The following FNBP1L variants were observed in gnomAD, a reference collection of about 807,000 sequenced individuals.
FNBP1L encodes the protein formin binding protein 1 like.
In FNBP1L, 36 loss-of-function variants were observed where a neutral mutation model predicts 91.2. The ratio of observed to expected loss-of-function variants is 0.39; its 90% CI spans 0.30 to 0.52. FNBP1L has a LOEUF of 0.52. FNBP1L is among the 20% of genes least tolerant of loss of function. FNBP1L has a pLI of 0.66. For synonymous variants in FNBP1L, 242 were observed against 237.0 expected (o/e 1.02, Z -0.19); for missense variants, 571 against 732.1 (o/e 0.78, Z 2.54).
At chr1:93,454,619 C>T (rs1292236715) in intron 1 of FNBP1L, among the ~76,000 whole-genome samples, 1 of 152,004 alleles carries the variant, frequency 6.6e-6, no homozygotes, top group Non-Finnish European at 1.5e-5. Context: ...ATTACTACAG[C>T]TCGTTTATAT....
chr1:93,536,257 C>A, intron 9 of FNBP1L, 75 bp from the exon 10 acceptor site: 1 of 1,141,484 alleles, frequency 8.8e-7, no homozygotes, highest in South Asian at 3.7e-5. Context: ...AGTATGTTGC[C>A]AAAAATAGAA....
chr1:93,498,877 A>G (rs141487073), intron 1 of FNBP1L, among the ~76,000 whole-genome samples: 48 of 152,330 alleles, frequency 3.2e-4, no homozygotes, highest in Non-Finnish European at 5.0e-4. Flanking sequence ...AAAACATTCA[A>G]GGAGCCTTGT....
chr1:93,534,926 C>A lies in FNBP1L; in HGVS notation c.990+18C>A. The A allele has an allele frequency of 6.4e-7, 1 of 1,551,690 alleles. No individual in the cohort carries two copies. Among genetic ancestry groups the A allele is most frequent in the South Asian group, 1.2e-5 (1 of 84,000 alleles). Reference sequence around the variant, plus strand: ...AGCCAAAGGTAAAAGTCATAAAATTCCTATATGCTAATCAGTTTAAGTGTA... The same window carrying A: ...AGCCAAAGGTAAAAGTCATAAAATTACTATATGCTAATCAGTTTAAGTGTA... On this transcript the variant is annotated intron_variant, in intron 9 of 16. Transcript: ENST00000271234.
chr1:93,546,690 T>TGG (rs1672251258), intron 12 of FNBP1L, among the ~76,000 whole-genome samples, 152 bp from the exon 13 acceptor site: 1 of 152,146 alleles, frequency 6.6e-6, no homozygotes, highest in Non-Finnish European at 1.5e-5. Context: ...TTTATGCAAA[T>TGG]TGTCTTTAAT....
chr1:93,450,212 A>G (rs1478996252), intron 1 of FNBP1L, among the ~76,000 whole-genome samples: 1 of 152,156 alleles, frequency 6.6e-6, no homozygotes, highest in African/African-American at 2.4e-5. Flanking sequence ...AAACGATTCC[A>G]TTCCTCTACT....
At chr1:93,485,501 C>T (rs1054087736) in intron 1 of FNBP1L, among the ~76,000 whole-genome samples, 66 of 152,248 alleles carry the variant, frequency 4.3e-4, no homozygotes, top group African/African-American at 1.4e-3. Context: ...AAATTGTTAA[C>T]AGTCATTACT....
intron 2 of FNBP1L, among the ~76,000 whole-genome samples, chr1:93,516,084 A>G (rs966428654): frequency 5.3e-5 from 8 of 152,190 alleles, no homozygotes; most frequent in Non-Finnish European, 7.3e-5. Context: ...ATTTACATAT[A>G]TAGTTTTAAT....
chr1:93,484,516 G>A (rs1669827879), intron 1 of FNBP1L, among the ~76,000 whole-genome samples: 1 of 152,168 alleles, frequency 6.6e-6, no homozygotes, highest in Admixed American at 6.5e-5. Flanking sequence ...ACAAAGACTA[G>A]TTCTGTTCTT....
intron 1 of FNBP1L, among the ~76,000 whole-genome samples, chr1:93,469,229 TCCCCTAAC>T (rs1423970270): frequency 2.7e-5 from 4 of 150,592 alleles, no homozygotes; most frequent in Non-Finnish European, 5.9e-5. Context: ...ACATTATTCC[TCCCCTAAC>T]CCCCCACCCC....
intron 1 of FNBP1L, among the ~76,000 whole-genome samples, chr1:93,450,379 T>C (rs1263066336): frequency 6.6e-6 from 1 of 152,328 alleles, no homozygotes; most frequent in East Asian, 1.9e-4. Context: ...CAACATTTAA[T>C]ACATCTCCAT....
At chr1:93,509,368 C>T (rs1670739440) in intron 2 of FNBP1L, among the ~76,000 whole-genome samples, 1 of 152,212 alleles carries the variant, frequency 6.6e-6, no homozygotes, top group Admixed American at 6.5e-5. Flanking sequence ...CTAAATGCTT[C>T]AGCCTGTACT....
intron 5 of FNBP1L, among the ~76,000 whole-genome samples, chr1:93,524,624 G>GTATTAATA (rs1249652394): frequency 7.6e-6 from 1 of 132,282 alleles, no homozygotes; most frequent in East Asian, 2.3e-4. Context: ...TTACTATAAA[G>GTATTAATA]TATTAATAGA....
At chr1:93,502,874 T>C (rs896097933) in intron 2 of FNBP1L, among the ~76,000 whole-genome samples, 1 of 152,144 alleles carries the variant, frequency 6.6e-6, no homozygotes, top group Non-Finnish European at 1.5e-5. Flanking sequence ...ATGATCTACA[T>C]TGAGATTTGC....
Position 93,523,436 on chromosome 1 carries a change from G to A in FNBP1L, c.287G>A (p.Arg96Lys). The A allele has an allele frequency of 6.2e-7, 1 of 1,610,628 alleles. No individual in the cohort carries two copies. Among genetic ancestry groups the A allele is most frequent in the Non-Finnish European group, 8.5e-7 (1 of 1,178,252 alleles). ...GTTGTAGCAGAAGAAATGGCGCACA[G>A]AGTGTATGGTGAATTAATGAGATAT... ...REVVAEEMAHRVYGELMRYAH... is the reference protein window; with the variant it reads ...REVVAEEMAHKVYGELMRYAH... Residue 96 changes from arginine (R) to lysine (K), a missense_variant, in exon 4 of 17, where the codon AGA becomes AAA. Arg to Lys is a conservative substitution (Grantham distance 26, BLOSUM62 2). Transcript: ENST00000271234.
intron 8 of FNBP1L, among the ~76,000 whole-genome samples, chr1:93,533,757 C>T (rs1358479241): frequency 1.3e-5 from 2 of 152,092 alleles, no homozygotes; most frequent in African/African-American, 4.8e-5. Context: ...TAATAGAATT[C>T]TCACTTAAAT....
intron 1 of FNBP1L, among the ~76,000 whole-genome samples, chr1:93,469,113 T>C (rs1669194154): frequency 6.6e-6 from 1 of 152,152 alleles, no homozygotes; most frequent in Admixed American, 6.6e-5. Flanking sequence ...TACTTTAAGT[T>C]CTAGGGTACA....
At chr1:93,466,363 C>T (rs1327527072) in intron 1 of FNBP1L, among the ~76,000 whole-genome samples, 6 of 152,100 alleles carry the variant, frequency 3.9e-5, no homozygotes, top group South Asian at 2.1e-4. Flanking sequence ...TAATCCATCT[C>T]GGATTAATTT....
intron 1 of FNBP1L, among the ~76,000 whole-genome samples, chr1:93,449,247 G>T (rs532149484): frequency 6.6e-6 from 1 of 152,084 alleles, no homozygotes; most frequent in South Asian, 2.1e-4. Flanking sequence ...GCGCGGAAGG[G>T]TCGAGGTGTG....
intron 1 of FNBP1L, among the ~76,000 whole-genome samples, chr1:93,465,279 G>C (rs1274265258): frequency 6.6e-6 from 1 of 151,874 alleles, no homozygotes; most frequent in African/African-American, 2.4e-5. Context: ...AGGTATGCAT[G>C]TGCCATGTTG....
Sources: allele counts gnomAD v4.1 joint callset (sites outside exome capture counted in the v4.1 genomes callset), GRCh38; gene constraint gnomAD v4.1.1; transcripts MANE v1.5; gene names NCBI Gene and HGNC (gene_info 2026-07-23, HGNC 2026-07-21).